Variants in GRIN2A observed in about 807,000 individuals in gnomAD.
The protein encoded by GRIN2A is glutamate ionotropic receptor NMDA type subunit 2A, also known as glutamate receptor ionotropic, NMDA 2A.
In GRIN2A, 22 loss-of-function variants were observed where a neutral mutation model predicts 113.4. The ratio of observed to expected loss-of-function variants is 0.19; its 90% CI spans 0.14 to 0.28. The LOEUF is 0.28. GRIN2A is among the 10% of genes least tolerant of loss of function. The probability of loss-of-function intolerance (pLI) is 1.00; values close to 1 mark genes in which losing one functional copy is unlikely to be tolerated. For missense variants in GRIN2A, 1,502 were observed against 1,887.0 expected, an observed-to-expected ratio of 0.80 and a Z score of 3.78; for synonymous variants, 827 against 738.4, an observed-to-expected ratio of 1.12 and a Z score of -1.94.
At chr16:10,015,708 T>C (rs564842757) in intron 2 of GRIN2A, among the ~76,000 whole-genome samples, 24 of 152,296 alleles carry the variant, frequency 1.6e-4, no homozygotes, top group East Asian at 9.6e-4. Flanking sequence ...CAAACATTTA[T>C]TGGGAACATA....
At chr16:9,785,055 G>C (rs1902152606) in intron 11 of GRIN2A, among the ~76,000 whole-genome samples, 1 of 152,180 alleles carries the variant, frequency 6.6e-6, no homozygotes, top group African/African-American at 2.4e-5. Context: ...TCTAGAACTA[G>C]AAATACCATT....
intron 2 of GRIN2A, among the ~76,000 whole-genome samples, chr16:9,950,299 C>G (rs2045146104): frequency 1.3e-5 from 2 of 152,180 alleles, no homozygotes; most frequent in Non-Finnish European, 2.9e-5. Flanking sequence ...AGCTACATAT[C>G]CTCACCTAAA....
At chr16:9,886,501 AG>A (rs2043589271) in intron 4 of GRIN2A, among the ~76,000 whole-genome samples, 1 of 152,196 alleles carries the variant, frequency 6.6e-6, no homozygotes, top group African/African-American at 2.4e-5. Flanking sequence ...GTTAAAACCA[AG>A]GACAGTTAAC....
chr16:9,977,012 G>A (rs889102743), intron 2 of GRIN2A, among the ~76,000 whole-genome samples: 11 of 152,278 alleles, frequency 7.2e-5, no homozygotes, highest in South Asian at 4.1e-4. Context: ...TTCTGATTCC[G>A]ACAACAAAGA....
intron 2 of GRIN2A, among the ~76,000 whole-genome samples, chr16:10,004,712 T>C (rs1022160821): frequency 2.0e-5 from 3 of 152,192 alleles, no homozygotes; most frequent in African/African-American, 4.8e-5. Context: ...TCCCTGGTAG[T>C]AGAATCTCCC....
chr16:9,794,088 A>C (rs193284488), intron 11 of GRIN2A, among the ~76,000 whole-genome samples: 1 of 152,338 alleles, frequency 6.6e-6, no homozygotes, highest in East Asian at 1.9e-4. Flanking sequence ...TCCAGTACTG[A>C]GAGCCAAAGA....
At chr16:9,939,800 C>T (rs951709756) in intron 2 of GRIN2A, among the ~76,000 whole-genome samples, 2 of 152,122 alleles carry the variant, frequency 1.3e-5, no homozygotes, top group African/African-American at 4.8e-5. Context: ...ACGTTGTTGA[C>T]TTGTGGACAT....
rs1296925530 is a variant in GRIN2A, at chr16:9,763,977, C to T, written c.3567G>A (p.Lys1189=). ...AACCCTTGTCTTTCAAGGTGAAGTG[C>T]TTGGAGTAGAGTTTATACTGGTCGT... ...SNNDQYKLYS[K]HFTLKDKGSP... The change falls in exon 13 of 13, where the codon AAG becomes AAA. Residue 1189 remains lysine, a synonymous_variant. Coordinates refer to ENST00000330684, the MANE Select transcript of GRIN2A (RefSeq NM_001134407.3). 4 of 1,614,108 alleles carry T rather than the reference C, an allele frequency of 2.5e-6. No homozygotes were observed. Among genetic ancestry groups the T allele is most frequent in the African/African-American group, 2.7e-5 (2 of 75,034 alleles).
At chr16:9,964,635 G>A (rs1253828470) in intron 2 of GRIN2A, among the ~76,000 whole-genome samples, 4 of 152,024 alleles carry the variant, frequency 2.6e-5, no homozygotes, top group South Asian at 2.1e-4. Context: ...CACATTCCTC[G>A]GCTTATGACT....
Position 9,757,366 on chromosome 16 carries a change from T to C in GRIN2A, c.*5783A>G. Reference sequence around the variant, plus strand: ...AAAGGTTTAGGGAAGGACTTTTTTTTTTTTTTTAAAAAAGGTATGCTCATA... The same window carrying C: ...AAAGGTTTAGGGAAGGACTTTTTTTCTTTTTTTAAAAAAGGTATGCTCATA... On this transcript the variant is annotated 3_prime_UTR_variant, in exon 13 of 13. Transcript: ENST00000330684. The C allele has an allele frequency of 4.4e-6, 1 of 225,644 alleles. No homozygotes were observed. Among genetic ancestry groups the C allele is most frequent in the Non-Finnish European group, 8.8e-6 (1 of 113,496 alleles). The allele number at this position is 225,644 out of a possible 1,614,324, so 14.0% of individuals were successfully genotyped here. A position where few individuals can be genotyped will look rare whatever the true frequency, so the allele number is the denominator to read the frequency against.
intron 11 of GRIN2A, among the ~76,000 whole-genome samples, chr16:9,784,917 C>A (rs951758716): frequency 5.3e-5 from 8 of 152,062 alleles, no homozygotes; most frequent in Non-Finnish European, 1.2e-4. Flanking sequence ...GTTAGAATGG[C>A]AATCATTAAA....
chr16:9,800,391 C>T (rs1447945047), intron 10 of GRIN2A, among the ~76,000 whole-genome samples: 1 of 152,112 alleles, frequency 6.6e-6, no homozygotes, highest in African/African-American at 2.4e-5. Context: ...AAAACTAAAT[C>T]GGAGATGACT....
At chr16:10,015,273 A>AAAAAAAAAAAAAAAAG (rs2046586801) in intron 2 of GRIN2A, among the ~76,000 whole-genome samples, 1 of 107,168 alleles carries the variant, frequency 9.3e-6, no homozygotes, top group African/African-American at 4.2e-5. Flanking sequence ...AAAAAAAAAG[A>AAAAAAAAAAAAAAAAG]AAAAAAAAAA....
chr16:10,091,561 G>A (rs867574147), intron 2 of GRIN2A, among the ~76,000 whole-genome samples: 2 of 152,170 alleles, frequency 1.3e-5, no homozygotes, highest in Non-Finnish European at 1.5e-5. Context: ...GCTGAGGTGG[G>A]AGGATTGCTT....
At chr16:9,898,054 C>CCT (rs2043841558) in intron 3 of GRIN2A, among the ~76,000 whole-genome samples, 1 of 109,722 alleles carries the variant, frequency 9.1e-6, no homozygotes, top group African/African-American at 3.4e-5. Context: ...CCTCCATTTC[C>CCT]TTTTTTTTTT....
chr16:10,034,534 G>GAAAAAAAAAA (rs2046988496), intron 2 of GRIN2A, among the ~76,000 whole-genome samples: 1 of 4,646 alleles, frequency 2.2e-4, no homozygotes, highest in Non-Finnish European at 4.4e-4. Context: ...TCAAAAAAAA[G>GAAAAAAAAAA]CAAAAAAAAA....
In GRIN2A at chr16:9,764,584, G is replaced by C; in HGVS notation, c.2960C>G (p.Thr987Ser). Residue 987 changes from threonine to serine, a missense_variant, in exon 13 of 13, where the codon ACT (threonine) becomes AGT (serine). Thr to Ser is a moderately conservative substitution (Grantham distance 58). Coordinates refer to ENST00000330684, the MANE Select transcript of GRIN2A (RefSeq NM_001134407.3). ...NYVFQGQHPLTLNESNPNTVE... is the reference protein window; with the variant it reads ...NYVFQGQHPLSLNESNPNTVE... ...CGTGTTAGGGTTGGACTCATTGAGA[G>C]TAAGAGGATGTTGTCCCTGGAATAC... 1 of 1,614,060 alleles carries C rather than the reference G, an allele frequency of 6.2e-7. No individual in the cohort carries two copies. Among genetic ancestry groups the C allele is most frequent in the Non-Finnish European group, 8.5e-7 (1 of 1,180,024 alleles).
At position 9,819,339 on chromosome 16, in the gene GRIN2A, G is replaced by A. The variant is rs980633067; in HGVS notation, c.2168+2925C>T. ...AATTTGAAATCAGCCTGGGTAACAC[G>A]GCAAAACCTCATCTCCACACGAAAC... On this transcript the variant is annotated intron_variant, in intron 10 of 12. Coordinates refer to ENST00000330684, the MANE Select transcript of GRIN2A (RefSeq NM_001134407.3). Among the ~76,000 whole-genome samples the A allele has an allele frequency of 6.6e-5, 10 of 151,722 alleles. No individual in the cohort carries two copies. The East Asian group carries it at 9.7e-4, about 15-fold the overall frequency.
chr16:9,815,649 G>GA (rs2042173580), intron 10 of GRIN2A, among the ~76,000 whole-genome samples: 1 of 152,206 alleles, frequency 6.6e-6, no homozygotes, highest in Non-Finnish European at 1.5e-5. Context: ...AGGATGTGGA[G>GA]AAATTGGAAC....
Sources: gnomAD v4.1 joint callset for allele counts (sites outside exome capture counted in the v4.1 genomes callset) on GRCh38, gnomAD v4.1.1 for gene constraint, MANE v1.5 for transcripts, NCBI Gene and HGNC (gene_info 2026-07-23, HGNC 2026-07-21) for gene names.